Variants in TRMT44 observed in about 807,000 individuals in gnomAD.
The protein encoded by TRMT44 is probable tRNA (uracil-O(2)-)-methyltransferase.
TRMT44 carries 78 observed loss-of-function variants against 77.3 expected under a neutral mutation model. The ratio of observed to expected loss-of-function variants is 1.01; its 90% CI spans 0.84 to 1.22. The LOEUF (loss-of-function observed/expected upper bound fraction) is 1.22. Ranked by LOEUF, TRMT44 falls within the 50% of genes most tolerant of loss-of-function variation. The probability of loss-of-function intolerance (pLI) is 0.00; values close to 1 mark genes in which losing one functional copy is unlikely to be tolerated. For missense variants in TRMT44, 1,090 were observed against 964.4 expected, an observed-to-expected ratio of 1.13 and a Z score of -1.73; for synonymous variants, 391 against 383.3, an observed-to-expected ratio of 1.02 and a Z score of -0.23.
the TRMT44 span, chr4:8,507,487 G>A: frequency 6.5e-6 from 1 of 153,284 alleles, no homozygotes; most frequent in Non-Finnish European, 1.5e-5. Flanking sequence ...GCGTTCCGGA[G>A]CTCAGCGTGC....
chr4:8,468,140 A>G lies in TRMT44; in HGVS notation c.1721A>G (p.Glu574Gly), dbSNP rs976772291. 2 of 1,613,870 alleles carry G rather than the reference A, an allele frequency of 1.2e-6. No homozygotes were observed. The highest frequency in any genetic ancestry group is 1.3e-5 in the African/African-American group (1 of 74,922). Residue 574 changes from glutamate to glycine, a missense_variant, in exon 9 of 11, where the codon GAG becomes GGG. Coordinates refer to ENST00000389737, the MANE Select transcript of TRMT44 (RefSeq NM_152544.3). ...TGTGTAACCAGGGCCTGGGCCGCTGAGCATGGAGCAGGGCCCCAGGCTGAA... is the reference window on the plus strand; with the variant it reads ...TGTGTAACCAGGGCCTGGGCCGCTGGGCATGGAGCAGGGCCCCAGGCTGAA... ...VGCVTRAWAA[E>G]HGAGPQAEGP...
At position 8,440,912 on chromosome 4, in the gene TRMT44, G is replaced by C; in HGVS notation, c.90G>C (p.Arg30Ser). The C allele has an allele frequency of 6.5e-7, 1 of 1,530,534 alleles. No homozygotes were observed. Among genetic ancestry groups the C allele is most frequent in the Non-Finnish European group, 8.7e-7 (1 of 1,145,540 alleles). 94.8% of individuals were successfully genotyped at this position (1,530,534 alleles called of 1,614,324 possible). Reference sequence around the variant, plus strand: ...CTGCGGTCGAAGTGTGGCTGGAGAGGCCGCAGGTGGCAAACAAACGGCTTT... The same window carrying C: ...CTGCGGTCGAAGTGTGGCTGGAGAGCCCGCAGGTGGCAAACAAACGGCTTT... ...FWAAVEVWLE[R>S]PQVANKRLCG... is the part of the protein sequence containing the mutation. Residue 30 changes from arginine to serine, a missense_variant, in exon 1 of 11, where the codon AGG (arginine) becomes AGC (serine). Arg to Ser is a moderately radical substitution (Grantham distance 110). Transcript: ENST00000389737.
At position 8,452,074 on chromosome 4, in the gene TRMT44, G is replaced by A; in HGVS notation, c.1023+46G>A. ...AGCTTCTCTGGAGTGGGTGGAGTTT[G>A]CTACAGGCAGATGTTCCCTGTAGTG... On this transcript the variant is annotated intron_variant, in intron 4 of 10. Transcript: ENST00000389737. This position sits in a 1 kb window ranked among gnomAD's most constrained non-coding sequence, Gnocchi z 5.7. The A allele has an allele frequency of 1.4e-6, 2 of 1,479,990 alleles. No individual in the cohort carries two copies. The highest frequency in any genetic ancestry group is 2.5e-5 in the East Asian group (1 of 40,592). The allele number at this position is 1,479,990 out of a possible 1,614,324, so 91.7% of individuals were successfully genotyped here. A position where few individuals can be genotyped will look rare whatever the true frequency, so the allele number is the denominator to read the frequency against.
chr4:8,508,379 G>T, the TRMT44 span, among the ~76,000 whole-genome samples: 2 of 152,204 alleles, frequency 1.3e-5, no homozygotes, highest in Admixed American at 6.5e-5. Context: ...GGGTCTGGGT[G>T]CCATGGGTTG....
rs534174653 is a variant in TRMT44, at chr4:8,461,043, G to C, written c.1204-2942G>C. 2.5e-4 allele frequency among the ~76,000 whole-genome samples: 38 copies of C among 152,168 alleles called. No homozygotes were observed. In the East Asian group the frequency reaches 6.4e-3, roughly 26 times the overall value. On this transcript the variant is annotated intron_variant, in intron 6 of 10. Transcript: ENST00000389737. The surrounding 1 kb of genome is among the most constrained non-coding windows in gnomAD (Gnocchi z 4.6). ...TGTGTTTGTTTTTTGTTGAAACAGG[G>C]TCTTCCTATGTTGCCCAGGCTGGTC...
chr4:8,512,577 A>C, the TRMT44 span: 1 of 152,244 alleles, frequency 6.6e-6, no homozygotes, highest in Non-Finnish European at 1.5e-5. Flanking sequence ...AATCGTCGAA[A>C]CTTCCTCAAT....
Position 8,440,977 on chromosome 4 carries a change from C to T in TRMT44, c.155C>T (p.Pro52Leu), listed in dbSNP as rs1472543406. Residue 52 changes from proline to leucine, a missense_variant, in exon 1 of 11, where the codon CCC becomes CTC. Physicochemically the swap from Pro to Leu is moderately conservative, Grantham distance 98. Transcript: ENST00000389737. The part of the protein sequence containing the change: ...RLEARWSAAL[P>L]CAEARGPGTS... ...GAGGCCCGCTGGAGCGCCGCCCTGC[C>T]CTGCGCGGAGGCCCGCGGCCCCGGG... 2.0e-6 allele frequency: 3 copies of T among 1,526,484 alleles called. No individual in the cohort carries two copies. Among genetic ancestry groups the T allele is most frequent in the Non-Finnish European group, 2.6e-6 (3 of 1,143,570 alleles). 94.6% of individuals were successfully genotyped at this position (1,526,484 alleles called of 1,614,324 possible).
chr4:8,450,248 A>C (rs1195149560), intron 3 of TRMT44, among the ~76,000 whole-genome samples: 16 of 152,112 alleles, frequency 1.1e-4, no homozygotes, highest in Admixed American at 1.0e-3. Context: ...CCCTTAATTT[A>C]CATGAGGTAA....
chr4:8,459,096 G>A (rs1211141427), intron 6 of TRMT44, among the ~76,000 whole-genome samples: 1 of 152,170 alleles, frequency 6.6e-6, no homozygotes, highest in Non-Finnish European at 1.5e-5. Flanking sequence ...CAGCTACGCG[G>A]GAGGCTGAGG....
the TRMT44 span, among the ~76,000 whole-genome samples, chr4:8,499,058 G>A: frequency 6.6e-6 from 1 of 152,132 alleles, no homozygotes; most frequent in Non-Finnish European, 1.5e-5. Context: ...GCTGCAGCAG[G>A]GGCAGCTGCA....
downstream of TRMT44, chr4:8,479,245 T>G (rs556957562): frequency 8.0e-6 from 1 of 124,378 alleles, no homozygotes; most frequent in South Asian, 2.4e-4. Flanking sequence ...TGACCTTTCC[T>G]TGTTGCCGTT....
intron 2 of TRMT44, among the ~76,000 whole-genome samples, chr4:8,492,688 A>T (rs1205240901): frequency 6.6e-6 from 1 of 152,240 alleles, no homozygotes; most frequent in Admixed American, 6.5e-5. Flanking sequence ...TTCCTTGTGG[A>T]CAAATGACAG....
At chr4:8,458,488 G>C (rs1414771877) in intron 6 of TRMT44, among the ~76,000 whole-genome samples, 2 of 144,738 alleles carry the variant, frequency 1.4e-5, no homozygotes, top group African/African-American at 2.6e-5. Flanking sequence ...TTTTGAGACG[G>C]AGTCTTGCTC....
intron 10 of TRMT44, among the ~76,000 whole-genome samples, chr4:8,471,700 C>T (rs980023977): frequency 6.6e-6 from 1 of 152,240 alleles, no homozygotes. Flanking sequence ...GTCCTGGTAC[C>T]CAGTTCCCCT....
intron 6 of TRMT44, among the ~76,000 whole-genome samples, chr4:8,456,141 A>G (rs1353903310): frequency 3.3e-5 from 5 of 152,238 alleles, no homozygotes; most frequent in Non-Finnish European, 7.3e-5. Context: ...TCATAATTGC[A>G]TGAAACTAAC....
At chr4:8,501,992 C>G in the TRMT44 span, among the ~76,000 whole-genome samples, 1 of 152,228 alleles carries the variant, frequency 6.6e-6, no homozygotes, top group Non-Finnish European at 1.5e-5. This position sits in a 1 kb window ranked among gnomAD's most constrained non-coding sequence, Gnocchi z 4.4. Flanking sequence ...ACTCCTCTCC[C>G]AGGAGGAGAC....
chr4:8,499,455 C>T, the TRMT44 span, among the ~76,000 whole-genome samples: 2 of 151,872 alleles, frequency 1.3e-5, no homozygotes, highest in South Asian at 4.2e-4. Context: ...AGGCCTTTGC[C>T]TTCCCTCTTC....
intron 2 of TRMT44, among the ~76,000 whole-genome samples, chr4:8,488,711 C>A (rs950536687): frequency 6.6e-6 from 1 of 152,202 alleles, no homozygotes; most frequent in African/African-American, 2.4e-5. Flanking sequence ...GGCCTGACAA[C>A]CCCAAGCTCA....
rs947150671 is a variant in TRMT44 at position 8,446,933 on chromosome 4, T to G, written c.734+343T>G. ...GACAGTCTTACACTGTTGCCCAGGC[T>G]GGAGTGCATTGGTGCCATCGCATTT... On this transcript the variant is annotated intron_variant, in intron 2 of 10. Transcript: ENST00000389737. The surrounding 1 kb of genome is among the most constrained non-coding windows in gnomAD (Gnocchi z 4.3). 3.3e-5 allele frequency among the ~76,000 whole-genome samples: 5 copies of G among 152,230 alleles called. No homozygotes were observed. The highest frequency in any genetic ancestry group is 2.6e-4 in the Admixed American group (4 of 15,288).
Sources: allele counts gnomAD v4.1 joint callset (sites outside exome capture counted in the v4.1 genomes callset), GRCh38; gene constraint gnomAD v4.1.1; non-coding constraint Gnocchi (gnomAD v3.1); transcripts MANE v1.5; gene names NCBI Gene and HGNC (gene_info 2026-07-23, HGNC 2026-07-21).